Variants in CADPS observed in about 807,000 individuals in gnomAD.
CADPS encodes calcium-dependent secretion activator 1.
Under a neutral mutation model 167.3 loss-of-function variants are expected in CADPS, and 57 were observed. That is an observed-to-expected ratio of 0.34 (90% CI 0.28 to 0.42). The LOEUF is 0.42. Ranked by LOEUF, CADPS falls within the 20% of genes least tolerant of loss-of-function variation. The pLI is 1.00. For synonymous variants in CADPS, 676 were observed against 635.3 expected, an observed-to-expected ratio of 1.06 and a Z score of -0.96; for missense variants, 1,414 against 1,738.1, an observed-to-expected ratio of 0.81 and a Z score of 3.32.
chr3:62,633,584 T>C (rs2065714666), intron 6 of CADPS, among the ~76,000 whole-genome samples: 1 of 152,102 alleles, frequency 6.6e-6, no homozygotes, highest in Non-Finnish European at 1.5e-5. Flanking sequence ...TCTCTCTGCT[T>C]ACCATGCTCT....
At chr3:62,733,794 G>A (rs1440189750) in intron 3 of CADPS, among the ~76,000 whole-genome samples, 1 of 152,030 alleles carries the variant, frequency 6.6e-6, no homozygotes, top group Non-Finnish European at 1.5e-5. Flanking sequence ...CCTGTCACCC[G>A]AGCAGTATAC....
chr3:62,681,323 G>T (rs1580318310), intron 3 of CADPS, among the ~76,000 whole-genome samples: 1 of 152,056 alleles, frequency 6.6e-6, no homozygotes, highest in African/African-American at 2.4e-5. Flanking sequence ...GTTTGTAATT[G>T]TATATCTGTT....
At chr3:62,489,195 C>T (rs2063307092) in intron 21 of CADPS, among the ~76,000 whole-genome samples, 1 of 151,764 alleles carries the variant, frequency 6.6e-6, no homozygotes, top group Non-Finnish European at 1.5e-5. Context: ...GCATCTCGGT[C>T]TGTCACCCAG....
intron 6 of CADPS, among the ~76,000 whole-genome samples, chr3:62,624,365 C>T (rs1274792310): frequency 1.3e-5 from 2 of 152,060 alleles, no homozygotes; most frequent in African/African-American, 2.4e-5. Context: ...TTCCCAGTTC[C>T]AGCTGTTGGT....
At chr3:62,749,834 G>C (rs1379170196) in intron 3 of CADPS, among the ~76,000 whole-genome samples, 2 of 152,168 alleles carry the variant, frequency 1.3e-5, no homozygotes, top group Non-Finnish European at 2.9e-5. Flanking sequence ...TTCAGGGATG[G>C]AGTCAGAGAG....
intron 3 of CADPS, among the ~76,000 whole-genome samples, chr3:62,684,140 A>C (rs1210985657): frequency 2.0e-5 from 3 of 152,024 alleles, no homozygotes; most frequent in Admixed American, 1.3e-4. Context: ...ATTCTTTTGG[A>C]TGGGAAATAT....
At chr3:62,697,629 G>A (rs530333419) in intron 3 of CADPS, among the ~76,000 whole-genome samples, 1 of 151,960 alleles carries the variant, frequency 6.6e-6, no homozygotes, top group Non-Finnish European at 1.5e-5. Context: ...TCCAGGAATG[G>A]GATTGCTGGA....
chr3:62,437,313 T>C (rs2055304546), intron 28 of CADPS, among the ~76,000 whole-genome samples: 2 of 150,312 alleles, frequency 1.3e-5, no homozygotes, highest in African/African-American at 4.9e-5. Context: ...CTAAAAGAGA[T>C]AGGCAATTTG....
At chr3:62,856,090 T>A (rs781299847) in intron 1 of CADPS, among the ~76,000 whole-genome samples, 6 of 152,124 alleles carry the variant, frequency 3.9e-5, no homozygotes, top group Non-Finnish European at 7.4e-5. Context: ...GGAACACACT[T>A]GGAAAGTATA....
intron 3 of CADPS, among the ~76,000 whole-genome samples, chr3:62,703,523 C>T (rs1296908684): frequency 6.6e-6 from 1 of 152,124 alleles, no homozygotes; most frequent in Non-Finnish European, 1.5e-5. Flanking sequence ...TTGGCCTGTC[C>T]TGCCAGGAAG....
chr3:62,516,319 C>A (rs2068984965), intron 15 of CADPS, 137 bp from the exon 16 acceptor site: 8 of 1,192,676 alleles, frequency 6.7e-6, no homozygotes, highest in Admixed American at 4.6e-5. Context: ...AAAGAGAAAG[C>A]ACCAGAATTG....
At chr3:62,631,465 C>T (rs1238211620) in intron 6 of CADPS, among the ~76,000 whole-genome samples, 2 of 152,178 alleles carry the variant, frequency 1.3e-5, no homozygotes, top group African/African-American at 4.8e-5. Context: ...GTTTCATGTG[C>T]ATTTCTCTGA....
At chr3:62,786,722 CTTAA>C (rs1482684561) in intron 1 of CADPS, among the ~76,000 whole-genome samples, 2 of 152,056 alleles carry the variant, frequency 1.3e-5, no homozygotes, top group Non-Finnish European at 2.9e-5. Context: ...ATCTTATAAA[CTTAA>C]TTAATCTGCT....
At chr3:62,775,366 A>G (rs1173635770) in intron 1 of CADPS, among the ~76,000 whole-genome samples, 1 of 151,874 alleles carries the variant, frequency 6.6e-6, no homozygotes, top group Admixed American at 6.6e-5. Context: ...AAGTGGTTTT[A>G]TTTTTTAAAA....
At chr3:62,646,763 G>A (rs1167595279) in intron 5 of CADPS, among the ~76,000 whole-genome samples, 1 of 152,104 alleles carries the variant, frequency 6.6e-6, no homozygotes, top group Admixed American at 6.5e-5. Context: ...TTGCCTTCCA[G>A]AAAATGAAAA....
intron 23 of CADPS, among the ~76,000 whole-genome samples, chr3:62,475,507 T>G (rs2061157015): frequency 7.4e-6 from 1 of 134,372 alleles, no homozygotes; most frequent in Admixed American, 8.7e-5. Context: ...CAGGAAAGGA[T>G]GCCAGCTTGC....
chr3:62,468,425 C>G (rs75009313), intron 24 of CADPS, among the ~76,000 whole-genome samples: 3,234 of 152,218 alleles, frequency 0.021, 125 homozygotes, highest in African/African-American at 0.073. Context: ...ACAAAACACT[C>G]TCTTGAAAAA....
At chr3:62,759,314 T>G (rs2084774675) in intron 2 of CADPS, among the ~76,000 whole-genome samples, 1 of 152,248 alleles carries the variant, frequency 6.6e-6, no homozygotes, top group Non-Finnish European at 1.5e-5. Flanking sequence ...GTTAGCCTGT[T>G]GCCTACTATT....
At chr3:62,571,540 C>T (rs991744708) in intron 8 of CADPS, among the ~76,000 whole-genome samples, 17 of 151,146 alleles carry the variant, frequency 1.1e-4, no homozygotes, top group Admixed American at 2.0e-4. Context: ...AGCTCAAAGC[C>T]GTCCGGACAT....
Sources: gnomAD v4.1 joint callset for allele counts (sites outside exome capture counted in the v4.1 genomes callset) on GRCh38, gnomAD v4.1.1 for gene constraint, MANE v1.5 for transcripts, NCBI Gene and HGNC (gene_info 2026-07-23, HGNC 2026-07-21) for gene names.